Variants in RHD observed in about 807,000 individuals in gnomAD.
RHD encodes Rh blood group D antigen.
Under a neutral mutation model 45.5 loss-of-function variants are expected in RHD, and 16 were observed. That is an observed-to-expected ratio of 0.35 (90% CI 0.24 to 0.53). RHD has a LOEUF of 0.53. Ranked by LOEUF, RHD falls within the 20% of genes least tolerant of loss-of-function variation. The pLI, the probability that RHD is intolerant of heterozygous loss-of-function variation, is 0.92. For synonymous variants in RHD, 131 were observed against 217.5 expected (o/e 0.60, Z 3.50); for missense variants, 306 against 532.0 (o/e 0.58, Z 4.18).
intron 1 of RHD, among the ~76,000 whole-genome samples, chr1:25,276,215 T>G (rs1445214981): frequency 7.7e-6 from 1 of 130,538 alleles, no homozygotes; most frequent in African/African-American, 2.6e-5. Context: ...TTTTTAAGTC[T>G]CCATCTGTTA....
At chr1:25,316,272 C>T (rs1219972559) in intron 7 of RHD, among the ~76,000 whole-genome samples, 2 of 129,272 alleles carry the variant, frequency 1.5e-5, no homozygotes, top group African/African-American at 5.3e-5. Flanking sequence ...AAGCTCTACC[C>T]CACCCACCTT....
chr1:25,275,392 C>T (rs1255127410), intron 1 of RHD, among the ~76,000 whole-genome samples: 4 of 132,168 alleles, frequency 3.0e-5, no homozygotes, highest in African/African-American at 1.0e-4. Context: ...GAATAGTAAA[C>T]AGCAGCGAGA....
intron 1 of RHD, among the ~76,000 whole-genome samples, chr1:25,277,755 A>C: frequency 8.3e-6 from 1 of 120,316 alleles, no homozygotes; most frequent in Non-Finnish European, 2.0e-5. Flanking sequence ...GCTCACCGCA[A>C]CCTCCACCTC....
chr1:25,318,585 CAA>C (rs532453902), intron 8 of RHD, among the ~76,000 whole-genome samples: 4 of 121,138 alleles, frequency 3.3e-5, no homozygotes, highest in African/African-American at 1.1e-4. Context: ...GAGACTGTCT[CAA>C]AAAAAAAAGA....
At position 25,291,327 on chromosome 1, in the gene RHD, G is replaced by C. The variant is rs1157395294; in HGVS notation, c.486+536G>C. ...CTACTAAAAATACAAAATTTAGCTG[G>C]GCATGGTGGCAGGCGCCTGTAATCC... On this transcript the variant is annotated intron_variant, in intron 3 of 9. Coordinates refer to ENST00000328664, the MANE Select transcript of RHD (RefSeq NM_016124.6). Among the ~76,000 whole-genome samples, 44 of 130,218 alleles carry C rather than the reference G, an allele frequency of 3.4e-4. 8 individuals carry two copies. The highest frequency in any genetic ancestry group is 6.5e-4 in the African/African-American group (25 of 38,258). The allele number at this position is 130,218 out of a possible 152,430, so 85.4% of individuals were successfully genotyped here.
At chr1:25,302,209 T>C (rs1276302302) in intron 5 of RHD, among the ~76,000 whole-genome samples, 1 of 130,356 alleles carries the variant, frequency 7.7e-6, no homozygotes, top group Non-Finnish European at 1.8e-5. Context: ...GGGGAGTAAA[T>C]GGTAGGCAAA....
At chr1:25,302,642 G>A (rs1230250405) in intron 5 of RHD, among the ~76,000 whole-genome samples, 2 of 129,780 alleles carry the variant, frequency 1.5e-5, no homozygotes, top group African/African-American at 5.3e-5. Flanking sequence ...TATGACCCAG[G>A]AACAAGGCCC....
Position 25,321,651 on chromosome 1 carries a change from T to C in RHD, c.1154-238T>C, listed in dbSNP as rs563995249. 3.3e-4 allele frequency among the ~76,000 whole-genome samples: 27 copies of C among 82,226 alleles called. 8 individuals are homozygous for C. The South Asian group carries it at 4.9e-3, about 15-fold the overall frequency. 53.9% of individuals were successfully genotyped at this position (82,226 alleles called of 152,430 possible). ...CGCCATTGTACTCCAGCCTGGGCGATAGAGTGAGACTCTGTCTCAAAATAA... is the reference window on the plus strand; with the variant it reads ...CGCCATTGTACTCCAGCCTGGGCGACAGAGTGAGACTCTGTCTCAAAATAA... On this transcript the variant is annotated intron_variant, in intron 8 of 9. Transcript: ENST00000328664.
chr1:25,277,782 C>T (rs1339075196), intron 1 of RHD, among the ~76,000 whole-genome samples: 2 of 121,514 alleles, frequency 1.6e-5, no homozygotes, highest in African/African-American at 5.6e-5. Context: ...TCAAGTAATT[C>T]TCCTGCCTCA....
intron 1 of RHD, among the ~76,000 whole-genome samples, chr1:25,274,813 C>G (rs1268663223): frequency 7.5e-6 from 1 of 133,470 alleles, no homozygotes; most frequent in East Asian, 1.9e-4. Context: ...TCGAGACCAG[C>G]CTGGCCAACA....
rs1439727646 is a variant in RHD at position 25,306,398 on chromosome 1, T to C, written c.940-198T>C. Among the ~76,000 whole-genome samples the C allele has an allele frequency of 3.0e-5, 4 of 131,604 alleles. 1 individual carries two copies. The highest frequency in any genetic ancestry group is 7.2e-5 in the Non-Finnish European group (4 of 55,702). 86.3% of individuals were successfully genotyped at this position (131,604 alleles called of 152,430 possible). ...AAATGCTGTTAGACCCCACCCCACA[T>C]CCACTAAAGCCAGCTCTTCATTTCA... is the stretch of plus-strand genomic sequence containing the variant. On this transcript the variant is annotated intron_variant, in intron 6 of 9. Coordinates refer to ENST00000328664, the MANE Select transcript of RHD (RefSeq NM_016124.6).
chr1:25,283,698 C>G (rs529202200), intron 1 of RHD, among the ~76,000 whole-genome samples: 1 of 134,012 alleles, frequency 7.5e-6, no homozygotes, highest in African/African-American at 2.6e-5. Context: ...ACAGCGTAGG[C>G]ACATGGTAAA....
rs1416160556 is a variant in RHD at position 25,308,012 on chromosome 1, G to T, written c.1073+1283G>T. 3.3e-5 allele frequency among the ~76,000 whole-genome samples: 3 copies of T among 91,650 alleles called. 1 individual carries two copies. Among genetic ancestry groups the T allele is most frequent in the African/African-American group, 1.0e-4 (3 of 29,060 alleles). 60.1% of individuals were successfully genotyped at this position (91,650 alleles called of 152,430 possible). The stretch of plus-strand genomic sequence containing the variant: ...CTAGCAAGGTCCTACTCACATGCCT[G>T]TAGAGAACAGGCAGGGGAAGTTAGA... On this transcript the variant is annotated intron_variant, in intron 7 of 9. Coordinates refer to ENST00000328664, the MANE Select transcript of RHD (RefSeq NM_016124.6).
intron 7 of RHD, among the ~76,000 whole-genome samples, chr1:25,312,505 G>A (rs1166900504): frequency 7.7e-6 from 1 of 130,442 alleles, no homozygotes; most frequent in Non-Finnish European, 1.8e-5. Context: ...AGTGATTTGG[G>A]AGGTTGAGGT....
intron 9 of RHD, among the ~76,000 whole-genome samples, chr1:25,322,293 A>G (rs1264142081): frequency 3.0e-5 from 4 of 132,676 alleles, no homozygotes; most frequent in South Asian, 2.3e-4. Context: ...ACAGAACCCC[A>G]CAATGCAAAA....
intron 3 of RHD, among the ~76,000 whole-genome samples, chr1:25,295,719 T>C (rs1642877096): frequency 9.3e-6 from 1 of 107,902 alleles, no homozygotes; most frequent in Non-Finnish European, 2.2e-5. Flanking sequence ...GCTGACATCA[T>C]CAGTGACCAA....
chr1:25,292,298 T>G (rs566635352), intron 3 of RHD, among the ~76,000 whole-genome samples: 1 of 132,368 alleles, frequency 7.6e-6, no homozygotes, highest in South Asian at 2.3e-4. Flanking sequence ...GACTTATGTT[T>G]TAAGATACTC....
At chr1:25,296,206 A>G (rs1180944321) in intron 3 of RHD, among the ~76,000 whole-genome samples, 2 of 120,434 alleles carry the variant, frequency 1.7e-5, no homozygotes, top group Admixed American at 1.6e-4. Flanking sequence ...TCATCTGTGT[A>G]TGTGACTTTA....
At chr1:25,285,813 G>C (rs377555026) in intron 2 of RHD, among the ~76,000 whole-genome samples, 1 of 134,822 alleles carries the variant, frequency 7.4e-6, no homozygotes, top group South Asian at 2.2e-4. Flanking sequence ...TCCCTGTGCT[G>C]CCCAGATGAT....
Sources: allele counts gnomAD v4.1 joint callset (sites outside exome capture counted in the v4.1 genomes callset), GRCh38; gene constraint gnomAD v4.1.1; transcripts MANE v1.5; gene names NCBI Gene and HGNC (gene_info 2026-07-23, HGNC 2026-07-21).